OR1F1: variants seen among roughly 807,000 people sequenced by gnomAD.
OR1F1 encodes olfactory receptor family 1 subfamily F member 1.
For synonymous variants in OR1F1, 184 were observed against 156.7 expected (o/e 1.17, Z -1.30); for missense variants, 493 against 376.3 (o/e 1.31, Z -2.57).
At chr16:3,204,839 T>A in exon 1 of OR1F1, 1 of 1,614,158 alleles carries the variant, frequency 6.2e-7, no homozygotes, top group Non-Finnish European at 8.5e-7. Context: ...AATGAGGTCA[T>A]AATCCTTAGT....
the OR1F1 span, among the ~76,000 whole-genome samples, chr16:3,191,502 C>A: frequency 6.6e-6 from 1 of 152,114 alleles, no homozygotes; most frequent in Admixed American, 6.5e-5. Context: ...CCCAGGGAAG[C>A]CCGGCTAGCT....
rs897445735 is a variant in OR1F1, at chr16:3,204,283, C to T, written c.37C>T (p.Leu13Phe). 29 of 1,612,544 alleles carry T rather than the reference C, an allele frequency of 1.8e-5. No individual in the cohort carries two copies. Among genetic ancestry groups the T allele is most frequent in the Non-Finnish European group, 2.4e-5 (28 of 1,179,024 alleles). ...AAACCAGTCGAGTGTCTCCGAGTTCCTCCTCCTGGGACTCTCCAGGCAGCC... is the reference window on the plus strand; with the variant it reads ...AAACCAGTCGAGTGTCTCCGAGTTCTTCCTCCTGGGACTCTCCAGGCAGCC... Residue 13 changes from leucine (L) to phenylalanine (F), a missense_variant, in exon 1 of 1, where the codon CTC (leucine) becomes TTC (phenylalanine). Leu to Phe is a conservative substitution (Grantham distance 22). Coordinates refer to ENST00000304646, the Ensembl canonical transcript of OR1F1.
At chr16:3,206,376 G>A (rs1958209873), downstream of OR1F1, among the ~76,000 whole-genome samples, 1 of 152,092 alleles carries the variant, frequency 6.6e-6, no homozygotes, top group Admixed American at 6.5e-5. Context: ...ATCTCTATTG[G>A]CTTCAGAGGC....
chr16:3,204,604 T>C, exon 1 of OR1F1: 2 of 1,614,204 alleles, frequency 1.2e-6, no homozygotes, highest in Non-Finnish European at 1.7e-6. Flanking sequence ...TGTGATGGCC[T>C]ATGACCACTT....
chr16:3,205,852 A>G (rs7196822), downstream of OR1F1, among the ~76,000 whole-genome samples: 17,416 of 152,180 alleles, frequency 0.11, 1,462 homozygotes, highest in South Asian at 0.28. Flanking sequence ...TAACTATACA[A>G]ATTGATTGTA....
chr16:3,204,146 C>G, upstream of OR1F1: 1 of 840,842 alleles, frequency 1.2e-6, no homozygotes, highest in Non-Finnish European at 1.8e-6. Flanking sequence ...ATCCTGCAAG[C>G]AAAATTCTAC....
chr16:3,204,955 GCCTTCT>G (rs1567207365), exon 1 of OR1F1: 2 of 1,613,782 alleles, frequency 1.2e-6, no homozygotes, highest in African/African-American at 1.3e-5. Context: ...AAGGTGGAAA[GCCTTCT>G]CCACCTGTGG....
the OR1F1 span, chr16:3,188,306 G>C: frequency 6.6e-6 from 1 of 151,434 alleles, no homozygotes; most frequent in Non-Finnish European, 1.5e-5. Context: ...TGAATCGCTC[G>C]CCTTGGTGAA....
At chr16:3,198,717 G>A in the OR1F1 span, among the ~76,000 whole-genome samples, 1 of 152,060 alleles carries the variant, frequency 6.6e-6, no homozygotes. Context: ...CGGTGGACGC[G>A]GTGGCTCACG....
chr16:3,188,476 C>T, the OR1F1 span: 1 of 152,388 alleles, frequency 6.6e-6, no homozygotes, highest in Non-Finnish European at 1.5e-5. Flanking sequence ...TGCTCCAGTC[C>T]CAGGTGAGCC....
the OR1F1 span, among the ~76,000 whole-genome samples, chr16:3,192,529 A>AT: frequency 2.6e-5 from 4 of 152,228 alleles, no homozygotes; most frequent in African/African-American, 9.6e-5. Context: ...CGGAAGCCTC[A>AT]TTGGTGGGAT....
exon 1 of OR1F1, chr16:3,204,698 T>C: frequency 6.2e-7 from 1 of 1,614,120 alleles, no homozygotes; most frequent in Non-Finnish European, 8.5e-7. Context: ...TTATGGGTGG[T>C]TGCCAACCTG....
At chr16:3,202,637 A>G (rs1340400255), upstream of OR1F1, among the ~76,000 whole-genome samples, 1 of 149,462 alleles carries the variant, frequency 6.7e-6, no homozygotes, top group Non-Finnish European at 1.5e-5. Flanking sequence ...TTGCCTGGGC[A>G]ACAAGAATGA....
chr16:3,204,061 GCTCAGACTTCTGT>G (rs1390237242), upstream of OR1F1, among the ~76,000 whole-genome samples: 1 of 152,184 alleles, frequency 6.6e-6, no homozygotes, highest in Non-Finnish European at 1.5e-5. Flanking sequence ...AGAAGGCCTG[GCTCAGACTTCTGT>G]AAACCTGAGC....
the OR1F1 span, among the ~76,000 whole-genome samples, chr16:3,191,974 A>G: frequency 5.9e-5 from 9 of 152,146 alleles, no homozygotes; most frequent in African/African-American, 1.4e-4. Context: ...AGAAAAGTAA[A>G]GGGCCTGCTG....
the OR1F1 span, among the ~76,000 whole-genome samples, chr16:3,198,513 A>G: frequency 3.9e-5 from 6 of 152,266 alleles, no homozygotes; most frequent in African/African-American, 1.4e-4. Flanking sequence ...CTGTACAGAT[A>G]TGCAAGCGGG....
chr16:3,197,436 T>G, the OR1F1 span, among the ~76,000 whole-genome samples: 1 of 152,160 alleles, frequency 6.6e-6, no homozygotes, highest in Non-Finnish European at 1.5e-5. Flanking sequence ...TCTCTCATTC[T>G]AAACCTTCAA....
the OR1F1 span, among the ~76,000 whole-genome samples, chr16:3,195,311 C>CA: frequency 1.3e-5 from 2 of 152,196 alleles, no homozygotes; most frequent in Admixed American, 6.5e-5. Flanking sequence ...GAAAAAAAGG[C>CA]AAAAAACAAA....
the OR1F1 span, among the ~76,000 whole-genome samples, chr16:3,193,392 C>A: frequency 6.6e-6 from 1 of 152,200 alleles, no homozygotes; most frequent in Non-Finnish European, 1.5e-5. Flanking sequence ...TTCCTTCGGG[C>A]GCCTGGGACT....
Sources: gnomAD v4.1 joint callset for allele counts (sites outside exome capture counted in the v4.1 genomes callset) on GRCh38, gnomAD v4.1.1 for gene constraint, MANE v1.5 for transcripts, NCBI Gene and HGNC (gene_info 2026-07-23, HGNC 2026-07-21) for gene names.